TRIM9: variants seen among roughly 807,000 people sequenced by gnomAD.
TRIM9 encodes the protein E3 ubiquitin-protein ligase TRIM9.
A neutral mutation model predicts 78.3 loss-of-function variants in TRIM9; 26 were observed. The observed-to-expected ratio is 0.33, with a 90% CI of 0.24 to 0.46. The LOEUF (loss-of-function observed/expected upper bound fraction) is 0.46, where lower values mean the gene tolerates loss of function less well. TRIM9 is among the 20% of genes least tolerant of loss of function. TRIM9 has a pLI of 1.00. For missense variants in TRIM9, 787 were observed against 1,036.4 expected (o/e 0.76, Z 3.30); for synonymous variants, 398 against 416.5 (o/e 0.96, Z 0.54).
chr14:51,044,207 T>A (rs1043710622), intron 1 of TRIM9, among the ~76,000 whole-genome samples: 2 of 152,206 alleles, frequency 1.3e-5, no homozygotes, highest in African/African-American at 4.8e-5. Context: ...CAGAGTGATA[T>A]GGATGCAGAA....
intron 1 of TRIM9, among the ~76,000 whole-genome samples, chr14:51,081,407 ATGGTATAGCTTCTTTGG>A (rs2063297446): frequency 6.6e-6 from 1 of 152,200 alleles, no homozygotes; most frequent in Non-Finnish European, 1.5e-5. Flanking sequence ...GGAATGTAAG[ATGGTATAGCTTCTTTGG>A]AAAACAGCTG....
At chr14:51,016,761 G>T (rs1253717930) in intron 3 of TRIM9, among the ~76,000 whole-genome samples, 1 of 152,074 alleles carries the variant, frequency 6.6e-6, no homozygotes, top group Non-Finnish European at 1.5e-5. Flanking sequence ...CTGCTCCCTG[G>T]TGCCAAAGAG....
At chr14:51,091,822 G>T (rs3007083) in intron 1 of TRIM9, among the ~76,000 whole-genome samples, 127,069 of 152,090 alleles carry the variant, frequency 0.84, 53,207 homozygotes, top group South Asian at 0.9. Flanking sequence ...ACATTCTTTT[G>T]TGGCAGGTAG....
intron 3 of TRIM9, among the ~76,000 whole-genome samples, chr14:51,017,092 G>GT (rs888815116): frequency 5.3e-5 from 8 of 152,110 alleles, no homozygotes; most frequent in African/African-American, 1.9e-4. Context: ...GAATTCTCTT[G>GT]TTTTTTCCAA....
At chr14:51,052,246 T>C (rs1304473109) in intron 1 of TRIM9, among the ~76,000 whole-genome samples, 4 of 152,154 alleles carry the variant, frequency 2.6e-5, no homozygotes, top group Non-Finnish European at 5.9e-5. Flanking sequence ...AAACGACCTA[T>C]AAATAAATGT....
At chr14:51,017,817 C>A (rs1336613778) in intron 3 of TRIM9, among the ~76,000 whole-genome samples, 2 of 152,140 alleles carry the variant, frequency 1.3e-5, no homozygotes, top group Admixed American at 6.5e-5. Flanking sequence ...GGGGGCTGTT[C>A]AGGGGTGTGA....
chr14:50,987,911 C>T (rs1487979615), intron 7 of TRIM9, among the ~76,000 whole-genome samples: 1 of 152,172 alleles, frequency 6.6e-6, no homozygotes, highest in Non-Finnish European at 1.5e-5. Flanking sequence ...AGTGATTCTT[C>T]AACCTCAGCC....
intron 5 of TRIM9, among the ~76,000 whole-genome samples, chr14:51,005,031 C>T (rs1467973859): frequency 6.6e-6 from 1 of 152,184 alleles, no homozygotes; most frequent in Non-Finnish European, 1.5e-5. Flanking sequence ...CTGAACAATA[C>T]AAATGGCATC....
chr14:51,054,460 G>C lies in TRIM9; in HGVS notation c.823-29100C>G, dbSNP rs185983209. ...GCTGTTTTTTGTATTTTTTTTGTTA[G>C]AGATGGGGTGTCATTATGTTGCCTA... is the stretch of plus-strand genomic sequence containing the variant. On this transcript the variant is annotated intron_variant, in intron 1 of 12. Transcript: ENST00000684578. Among the ~76,000 whole-genome samples, 151 of 148,662 alleles carry C rather than the reference G, an allele frequency of 1.0e-3. 1 individual carries two copies. Among genetic ancestry groups the C allele is most frequent in the African/African-American group, 3.6e-3 (146 of 40,074 alleles).
chr14:51,064,183 T>C (rs543049601), intron 1 of TRIM9, among the ~76,000 whole-genome samples: 36 of 152,254 alleles, frequency 2.4e-4, no homozygotes, highest in Non-Finnish European at 4.1e-4. Context: ...AGACTGTGTA[T>C]ATTGACTATG....
At chr14:51,083,918 G>A (rs2063534596) in intron 1 of TRIM9, among the ~76,000 whole-genome samples, 1 of 152,054 alleles carries the variant, frequency 6.6e-6, no homozygotes, top group Admixed American at 6.6e-5. Context: ...ATGATTCTAG[G>A]CCATCACTCA....
intron 5 of TRIM9, among the ~76,000 whole-genome samples, chr14:51,004,732 C>T (rs1406055368): frequency 6.6e-6 from 1 of 152,172 alleles, no homozygotes; most frequent in Non-Finnish European, 1.5e-5. Context: ...GGTTTTACAG[C>T]TAGTAAGTGG....
Position 51,094,403 on chromosome 14 carries a change from G to T in TRIM9, c.537C>A (p.Thr179=), listed in dbSNP as rs139791188. 8.2e-5 allele frequency: 132 copies of T among 1,613,926 alleles called. No homozygotes were observed. In the African/African-American group the frequency reaches 1.7e-3, roughly 20 times the overall value. The change falls in exon 1 of 13, where the codon ACC becomes ACA. Residue 179 remains threonine, a synonymous_variant. Transcript: ENST00000684578. ...AGACATCGCACTGTTCGCACATGAC[G>T]GTGGCTTCCTTGGGCGCCTTCTCGC... is the stretch of plus-strand genomic sequence containing the variant. ...QLCEKAPKEA[T]VMCEQCDVFY... is the part of the protein sequence containing the mutation.
chr14:51,032,558 T>G (rs541116237), intron 1 of TRIM9, among the ~76,000 whole-genome samples: 1 of 152,344 alleles, frequency 6.6e-6, no homozygotes, highest in African/African-American at 2.4e-5. Context: ...ATCTAGAACT[T>G]GTAGTAGGAT....
Position 51,023,494 on chromosome 14 carries a change from A to G in TRIM9, c.919-537T>C, listed in dbSNP as rs143468991. ...TAAGGAAAGCAAATAGTAGGCAGAA[A>G]AAAACAATCAATGTGTGTAACAGGG... On this transcript the variant is annotated intron_variant, in intron 2 of 12. Coordinates refer to ENST00000684578, the MANE Select transcript of TRIM9 (RefSeq NM_001387360.1). Among the ~76,000 whole-genome samples the G allele has an allele frequency of 7.6e-3, 1,157 of 152,348 alleles. 19 individuals carry two copies. The highest frequency in any genetic ancestry group is 0.026 in the African/African-American group (1,098 of 41,580).
Position 50,982,098 on chromosome 14 carries a change from A to G in TRIM9, c.1864T>C (p.Trp622Arg), listed in dbSNP as rs2052000074. 6.2e-7 allele frequency: 1 copy of G among 1,613,704 alleles called. No individual in the cohort carries two copies. Among genetic ancestry groups the G allele is most frequent in the Non-Finnish European group, 8.5e-7 (1 of 1,179,706 alleles). Reference protein sequence around the residue: ...VDIKKLLAVAWFAFDPGSAHS... With the variant: ...VDIKKLLAVARFAFDPGSAHS... ...GCCGAGCCAGGGTCGAAAGCAAACC[A>G]GGCCACTGGGAACAACAGAAGGGAA... Residue 622 changes from tryptophan to arginine, a missense_variant, in exon 11 of 13, where the codon TGG becomes CGG. This residue lies in a region of TRIM9 where 421 missense variants were observed against 514.3 expected (regional missense o/e 0.82). Transcript: ENST00000684578.
At chr14:51,086,511 A>G (rs904603402) in intron 1 of TRIM9, among the ~76,000 whole-genome samples, 2 of 152,198 alleles carry the variant, frequency 1.3e-5, no homozygotes, top group African/African-American at 4.8e-5. Context: ...GTCTTCCTCT[A>G]CTGATTATTT....
At chr14:51,075,935 T>TTATTTA (rs2062740081) in intron 1 of TRIM9, among the ~76,000 whole-genome samples, 1 of 152,256 alleles carries the variant, frequency 6.6e-6, no homozygotes, top group African/African-American at 2.4e-5. Context: ...AATGTTTCAT[T>TTATTTA]AAATACACTT....
At chr14:50,984,462 G>A (rs1389466283) in intron 8 of TRIM9, among the ~76,000 whole-genome samples, 5 of 152,112 alleles carry the variant, frequency 3.3e-5, no homozygotes, top group South Asian at 2.1e-4. Flanking sequence ...CAAAAGAATC[G>A]TTTCCTCCCA....
Sources: allele counts gnomAD v4.1 joint callset (sites outside exome capture counted in the v4.1 genomes callset), GRCh38; gene constraint gnomAD v4.1.1; regional missense constraint gnomAD v4.1.1; transcripts MANE v1.5; gene names NCBI Gene and HGNC (gene_info 2026-07-23, HGNC 2026-07-21).